Variants in EFNA3 observed in about 807,000 individuals in gnomAD.
EFNA3 encodes ephrin A3, also known as ephrin-A3.
A neutral mutation model predicts 25.0 loss-of-function variants in EFNA3; 15 were observed. The ratio of observed to expected loss-of-function variants is 0.60; its 90% CI spans 0.40 to 0.92. The LOEUF (loss-of-function observed/expected upper bound fraction) is 0.92, where lower values mean the gene tolerates loss of function less well. Ranked by LOEUF, EFNA3 falls within the 40% of genes least tolerant of loss-of-function variation. EFNA3 has a pLI of 0.00. For missense variants in EFNA3, 298 were observed against 323.8 expected (o/e 0.92, Z 0.61); for synonymous variants, 153 against 145.6 (o/e 1.05, Z -0.37).
Position 155,085,115 on chromosome 1 carries a change from G to A in EFNA3, c.153G>A (p.Val51=), listed in dbSNP as rs1345675971. The A allele has an allele frequency of 6.2e-7, 1 of 1,613,790 alleles. No homozygotes were observed. The highest frequency in any genetic ancestry group is 1.3e-5 in the African/African-American group (1 of 75,064). Residue 51 remains valine (V), a synonymous_variant, in exon 2 of 5, where the codon GTG becomes GTA. Coordinates refer to ENST00000368408, the MANE Select transcript of EFNA3 (RefSeq NM_004952.5). The surrounding 1 kb of genome is among the most constrained non-coding windows in gnomAD (Gnocchi z 4.4). ...GCCTGCGGCGAGAGGGCTACACCGTGCAGGTGAACGTGAACGACTATCTGG... is the reference window on the plus strand; with the variant it reads ...GCCTGCGGCGAGAGGGCTACACCGTACAGGTGAACGTGAACGACTATCTGG... ...NQHLRREGYT[V]QVNVNDYLDI... is the part of the protein sequence containing the mutation.
Position 155,085,509 on chromosome 1 carries a change from A to T in EFNA3, c.442+105A>T. Reference sequence around the variant, plus strand: ...GGGCGGGGCCGGCGCGGCGGGCGCCAGGTCTCGCGGCTGAGACCAGGGAGG... The same window carrying T: ...GGGCGGGGCCGGCGCGGCGGGCGCCTGGTCTCGCGGCTGAGACCAGGGAGG... On this transcript the variant is annotated intron_variant, in intron 2 of 4. Transcript: ENST00000368408. This position sits in a 1 kb window ranked among gnomAD's most constrained non-coding sequence, Gnocchi z 4.4. 7.3e-7 allele frequency: 1 copy of T among 1,371,284 alleles called. No homozygotes were observed. Among genetic ancestry groups the T allele is most frequent in the East Asian group, 2.5e-5 (1 of 39,480 alleles). The allele number at this position is 1,371,284 out of a possible 1,614,324, so 84.9% of individuals were successfully genotyped here. A position where few individuals can be genotyped will look rare whatever the true frequency, so the allele number is the denominator to read the frequency against.
intron 4 of EFNA3, 34 bp downstream of exon 4, chr1:155,086,239 C>A: frequency 1.2e-6 from 2 of 1,610,692 alleles, no homozygotes; most frequent in Non-Finnish European, 1.7e-6. Context: ...GTGGCCACTG[C>A]TGGAACCGCA....
At position 155,081,529 on chromosome 1, in the gene EFNA3, CTCTT is replaced by C; in HGVS notation, c.128+2463_128+2466del. On this transcript the variant is annotated intron_variant, in intron 1 of 4. Transcript: ENST00000368408. This position sits in a 1 kb window ranked among gnomAD's most constrained non-coding sequence, Gnocchi z 5.2. ...TCTGAAATGCTTCTGTTGCTGATCT[CTCTT>C]TCATTCATGCATTCATTCAACAAAT... is the stretch of plus-strand genomic sequence containing the variant. Among the ~76,000 whole-genome samples the C allele has an allele frequency of 6.6e-6, 1 of 152,366 alleles. No homozygotes were observed.
rs774288332 is a variant in EFNA3 at position 155,081,663 on chromosome 1, C to A, written c.128+2594C>A. 1.1e-4 allele frequency among the ~76,000 whole-genome samples: 16 copies of A among 152,166 alleles called. No homozygotes were observed. The highest frequency in any genetic ancestry group is 2.1e-4 in the Non-Finnish European group (14 of 68,030). On this transcript the variant is annotated intron_variant, in intron 1 of 4. Coordinates refer to ENST00000368408, the MANE Select transcript of EFNA3 (RefSeq NM_004952.5). This position sits in a 1 kb window ranked among gnomAD's most constrained non-coding sequence, Gnocchi z 5.2. The stretch of plus-strand genomic sequence containing the variant: ...TCCCTGTCCCTGCTTCTCTCCTTTG[C>A]GTCTCTGTCTCCGTCTCCGCCGTCT...
chr1:155,085,506 G>T lies in EFNA3; in HGVS notation c.442+102G>T. The T allele has an allele frequency of 7.3e-7, 1 of 1,375,894 alleles. No homozygotes were observed. Among genetic ancestry groups the T allele is most frequent in the South Asian group, 1.5e-5 (1 of 66,474 alleles). 85.2% of individuals were successfully genotyped at this position (1,375,894 alleles called of 1,614,324 possible). On this transcript the variant is annotated intron_variant, in intron 2 of 4. Coordinates refer to ENST00000368408, the MANE Select transcript of EFNA3 (RefSeq NM_004952.5). This position sits in a 1 kb window ranked among gnomAD's most constrained non-coding sequence, Gnocchi z 4.4. ...CCGGGGCGGGGCCGGCGCGGCGGGC[G>T]CCAGGTCTCGCGGCTGAGACCAGGG...
chr1:155,082,276 C>T (rs962141136), intron 1 of EFNA3, among the ~76,000 whole-genome samples: 2 of 152,254 alleles, frequency 1.3e-5, no homozygotes, highest in African/African-American at 2.4e-5. Flanking sequence ...TCGTCCTCCA[C>T]CCCTGTAACT....
Position 155,086,404 on chromosome 1 carries a change from T to C in EFNA3, c.587-9T>C. On this transcript the variant is annotated splice_polypyrimidine_tract_variant and intron_variant, in intron 4 of 4. Coordinates refer to ENST00000368408, the MANE Select transcript of EFNA3 (RefSeq NM_004952.5). ...GCCCTCACCAGTCTGTCTGTTCCTC[T>C]GTCCACAGAAGACTTTGAGGGAGAG... The C allele has an allele frequency of 6.2e-7, 1 of 1,613,796 alleles. No homozygotes were observed. The highest frequency in any genetic ancestry group is 8.5e-7 in the Non-Finnish European group (1 of 1,179,810).
At chr1:155,082,446 C>T (rs1663359977) in intron 1 of EFNA3, among the ~76,000 whole-genome samples, 1 of 152,188 alleles carries the variant, frequency 6.6e-6, no homozygotes, top group Non-Finnish European at 1.5e-5. Flanking sequence ...TGCTCCTTCC[C>T]CGCTCCGCCC....
rs1433396102 is a variant in EFNA3, at chr1:155,087,509, C to G, written c.*966C>G. 6.5e-6 allele frequency: 1 copy of G among 152,750 alleles called. No homozygotes were observed. Among genetic ancestry groups the G allele is most frequent in the Admixed American group, 6.5e-5 (1 of 15,280 alleles). 9.5% of individuals were successfully genotyped at this position (152,750 alleles called of 1,614,324 possible). The stretch of plus-strand genomic sequence containing the variant: ...GTGACTTTCATACTCTGCTCTTAGT[C>G]TAAAAAAAATAAACTGGAGATAAAA... On this transcript the variant is annotated 3_prime_UTR_variant, in exon 5 of 5. Coordinates refer to ENST00000368408, the MANE Select transcript of EFNA3 (RefSeq NM_004952.5).
rs753053719 is a variant in EFNA3, at chr1:155,085,036, A to T, written c.129-55A>T. 4.3e-5 allele frequency: 68 copies of T among 1,582,086 alleles called. No homozygotes were observed. The highest frequency in any genetic ancestry group is 5.9e-5 in the Non-Finnish European group (68 of 1,162,136). ...GAGGGGCTGCGGAGCGGTCAGATGG[A>T]AAGCGGCTTTGCTCTGGGGTTTCTT... On this transcript the variant is annotated intron_variant, in intron 1 of 4. Transcript: ENST00000368408. This position sits in a 1 kb window ranked among gnomAD's most constrained non-coding sequence, Gnocchi z 4.4.
At chr1:155,082,315 G>A (rs1289040755) in intron 1 of EFNA3, among the ~76,000 whole-genome samples, 1 of 152,230 alleles carries the variant, frequency 6.6e-6, no homozygotes, top group Non-Finnish European at 1.5e-5. Context: ...GACCGGGGCT[G>A]GGGGTGGAGG....
rs1663491350 is a variant in EFNA3 at position 155,087,228 on chromosome 1, C to G, written c.*685C>G. ...GTCCCTTCCCTCTTTAACCCCCTGA[C>G]CTTTCTTGACTTCCCCTTCAGCTTC... On this transcript the variant is annotated 3_prime_UTR_variant, in exon 5 of 5. Coordinates refer to ENST00000368408, the MANE Select transcript of EFNA3 (RefSeq NM_004952.5). 6.5e-6 allele frequency: 1 copy of G among 152,838 alleles called. No homozygotes were observed. Among genetic ancestry groups the G allele is most frequent in the South Asian group, 2.1e-4 (1 of 4,848 alleles). The allele number at this position is 152,838 out of a possible 1,614,324, so 9.5% of individuals were successfully genotyped here.
Position 155,085,201 on chromosome 1 carries a change from G to C in EFNA3, c.239G>C (p.Gly80Ala), listed in dbSNP as rs201029831. The part of the protein sequence containing the change: ...GVGPGAGPGP[G>A]GGAEQYVLYM... Reference sequence around the variant, plus strand: ...GGCCCCGGGGCGGGACCGGGGCCCGGAGGCGGGGCAGAGCAGTACGTGCTG... The same window carrying C: ...GGCCCCGGGGCGGGACCGGGGCCCGCAGGCGGGGCAGAGCAGTACGTGCTG... Residue 80 changes from glycine to alanine, a missense_variant, in exon 2 of 5, where the codon GGA becomes GCA. Transcript: ENST00000368408. The surrounding 1 kb of genome is among the most constrained non-coding windows in gnomAD (Gnocchi z 4.4). The C allele has an allele frequency of 3.5e-5, 57 of 1,612,978 alleles. No homozygotes were observed. The highest frequency in any genetic ancestry group is 4.3e-5 in the Non-Finnish European group (51 of 1,179,898).
In EFNA3 at chr1:155,078,960, CTGCTGCTGCTGCTGCTCGTGCCCG is replaced by C; in HGVS notation, c.23_46del (p.Leu8_Val15del). On this transcript the variant is annotated inframe_deletion, in exon 1 of 5. Coordinates refer to ENST00000368408, the MANE Select transcript of EFNA3 (RefSeq NM_004952.5). ...TCCGGGGATGGCGGCGGCTCCGCTG[CTGCTGCTGCTGCTGCTCGTGCCCG>C]TGCCGCTGCTGCCGCTGCTGGCCCA... 1 of 1,420,808 alleles carries C rather than the reference CTGCTGCTGCTGCTGCTCGTGCCCG, an allele frequency of 7.0e-7. No homozygotes were observed. Among genetic ancestry groups the C allele is most frequent in the Non-Finnish European group, 9.2e-7 (1 of 1,086,276 alleles). The allele number at this position is 1,420,808 out of a possible 1,614,324, so 88.0% of individuals were successfully genotyped here. A position where few individuals can be genotyped will look rare whatever the true frequency, so the allele number is the denominator to read the frequency against.
At chr1:155,086,001 C>G in intron 3 of EFNA3, 59 bp downstream of exon 3, 1 of 1,576,774 alleles carries the variant, frequency 6.3e-7, no homozygotes, top group Non-Finnish European at 8.6e-7. Flanking sequence ...TTGGGGCTCC[C>G]CTGGCTTCCT....
rs556101207 is a variant in EFNA3, at chr1:155,086,929, C to T, written c.*386C>T. ...AGCAAATCGAAGCGTGGGAGGCACC[C>T]CCATTGCTCTCCTCCAGGGGCAGAA... is the stretch of plus-strand genomic sequence containing the variant. On this transcript the variant is annotated 3_prime_UTR_variant, in exon 5 of 5. Transcript: ENST00000368408. 1 of 185,588 alleles carries T rather than the reference C, an allele frequency of 5.4e-6. No individual in the cohort carries two copies. Among genetic ancestry groups the T allele is most frequent in the East Asian group, 1.6e-4 (1 of 6,320 alleles). 11.5% of individuals were successfully genotyped at this position (185,588 alleles called of 1,614,324 possible). A position where few individuals can be genotyped will look rare whatever the true frequency, so the allele number is the denominator to read the frequency against.
chr1:155,083,117 T>C (rs1663376759), intron 1 of EFNA3, among the ~76,000 whole-genome samples: 1 of 152,224 alleles, frequency 6.6e-6, no homozygotes, highest in East Asian at 1.9e-4. Flanking sequence ...TCCTGCCCTG[T>C]TGAGGAAATG....
chr1:155,084,744 C>T (rs1663416433), intron 1 of EFNA3, among the ~76,000 whole-genome samples: 1 of 152,268 alleles, frequency 6.6e-6, no homozygotes, highest in Non-Finnish European at 1.5e-5. Context: ...CTGAGAGTCG[C>T]TGGGGCCTGC....
chr1:155,083,951 T>A (rs1663390482), intron 1 of EFNA3, among the ~76,000 whole-genome samples: 1 of 152,192 alleles, frequency 6.6e-6, no homozygotes, highest in Non-Finnish European at 1.5e-5. Flanking sequence ...TCTTTCTCCA[T>A]TCAGAGGTTT....
Sources: allele counts gnomAD v4.1 joint callset (sites outside exome capture counted in the v4.1 genomes callset), GRCh38; gene constraint gnomAD v4.1.1; non-coding constraint Gnocchi (gnomAD v3.1); transcripts MANE v1.5; gene names NCBI Gene and HGNC (gene_info 2026-07-23, HGNC 2026-07-21).